DBR1: variants seen among roughly 807,000 people sequenced by gnomAD.
DBR1 encodes the protein lariat debranching enzyme.
In DBR1, 33 loss-of-function variants were observed where a neutral mutation model predicts 45.9. The observed-to-expected ratio is 0.72, with a 90% CI of 0.55 to 0.96. DBR1 has a LOEUF of 0.96. Among genes scored for constraint, DBR1 ranks in the 40% least tolerant of loss-of-function variants. DBR1 has a pLI of 0.00. For missense variants in DBR1, 619 were observed against 667.4 expected (o/e 0.93, Z 0.80); for synonymous variants, 235 against 235.9 (o/e 1.00, Z 0.04).
chr3:138,164,902 C>A (rs1225319581), intron 5 of DBR1, among the ~76,000 whole-genome samples: 1 of 152,184 alleles, frequency 6.6e-6, no homozygotes, highest in Non-Finnish European at 1.5e-5. Flanking sequence ...CCGCCTTGGC[C>A]TCCCAAAGTG....
chr3:138,162,628 A>T, intron 7 of DBR1, 46 bp from the exon 8 acceptor site: 1 of 1,447,248 alleles, frequency 6.9e-7, no homozygotes, highest in Non-Finnish European at 9.5e-7. Context: ...ATCAGCTCTA[A>T]ACAATAAATG....
chr3:138,165,616 C>T (rs574089782), intron 5 of DBR1, among the ~76,000 whole-genome samples: 5 of 152,186 alleles, frequency 3.3e-5, no homozygotes, highest in East Asian at 1.9e-4. Context: ...GTAGTCCCAG[C>T]TACTCTGGAC....
At chr3:138,169,725 A>T (rs2042946096) in intron 4 of DBR1, among the ~76,000 whole-genome samples, 1 of 152,136 alleles carries the variant, frequency 6.6e-6, no homozygotes, top group Admixed American at 6.6e-5. Context: ...TGAGGTCAGG[A>T]ATTTGAGACC....
At position 138,161,793 on chromosome 3, in the gene DBR1, C is replaced by T. The variant is rs1179067099; in HGVS notation, c.*96G>A. 6.0e-6 allele frequency: 6 copies of T among 1,001,940 alleles called. No individual in the cohort carries two copies. The highest frequency in any genetic ancestry group is 9.2e-6 in the Non-Finnish European group (6 of 653,844). The allele number at this position is 1,001,940 out of a possible 1,614,324, so 62.1% of individuals were successfully genotyped here. A position where few individuals can be genotyped will look rare whatever the true frequency, so the allele number is the denominator to read the frequency against. On this transcript the variant is annotated 3_prime_UTR_variant, in exon 8 of 8. Coordinates refer to ENST00000260803, the MANE Select transcript of DBR1 (RefSeq NM_016216.4). Reference sequence around the variant, plus strand: ...CCTGGGAGGCGGAGGTTGCGGTGAGCCGAGATCACGCCATTGCACTCCAGT... The same window carrying T: ...CCTGGGAGGCGGAGGTTGCGGTGAGTCGAGATCACGCCATTGCACTCCAGT...
At chr3:138,169,759 C>G (rs1298933540) in intron 4 of DBR1, among the ~76,000 whole-genome samples, 2 of 152,050 alleles carry the variant, frequency 1.3e-5, no homozygotes, top group Non-Finnish European at 2.9e-5. Context: ...TGGTGAAACC[C>G]CATCCCTACT....
chr3:138,170,193 CT>C lies in DBR1; in HGVS notation c.404-2del. Reference sequence around the variant, plus strand: ...TTATAAGGGGGGCACTCAAAATGACCTTAGATTGAAGCAGAAAAATAAGCTA... The same window carrying C: ...TTATAAGGGGGGCACTCAAAATGACCTAGATTGAAGCAGAAAAATAAGCTA... On this transcript the variant is annotated splice_acceptor_variant, in intron 3 of 7. Coordinates refer to ENST00000260803, the MANE Select transcript of DBR1 (RefSeq NM_016216.4). LOFTEE classifies it high-confidence loss of function. The C allele has an allele frequency of 6.4e-7, 1 of 1,569,584 alleles. No homozygotes were observed. Among genetic ancestry groups the C allele is most frequent in the Non-Finnish European group, 8.7e-7 (1 of 1,150,798 alleles).
chr3:138,171,435 A>G (rs2042954004), intron 3 of DBR1, 198 bp downstream of exon 3: 1 of 442,328 alleles, frequency 2.3e-6, no homozygotes, highest in South Asian at 2.8e-5. Context: ...AGATCGCACC[A>G]CTGCACTCCA....
chr3:138,174,565 C>T (rs371434724), intron 1 of DBR1, 34 bp downstream of exon 1: 28 of 1,534,732 alleles, frequency 1.8e-5, no homozygotes, highest in East Asian at 1.4e-4. Context: ...TCCCACCCCC[C>T]CACCGCCAAG....
chr3:138,174,700 G>A lies in DBR1; in HGVS notation c.96C>T (p.Asp32=). ...GGAAGTCGCCGCAGCACAGCAAGAG[G>A]TCGACAGGCCCCGGGCCGCGCCGCT... ...LAERRGPGPV[D]LLLCCGDFQA... Residue 32 remains aspartate, a synonymous_variant, in exon 1 of 8, where the codon GAC becomes GAT. Coordinates refer to ENST00000260803, the MANE Select transcript of DBR1 (RefSeq NM_016216.4). The A allele has an allele frequency of 6.2e-7, 1 of 1,613,000 alleles. No homozygotes were observed. The highest frequency in any genetic ancestry group is 8.5e-7 in the Non-Finnish European group (1 of 1,179,680).
Position 138,171,319 on chromosome 3 carries a change from A to G in DBR1, c.403+314T>C, listed in dbSNP as rs1407837180. On this transcript the variant is annotated intron_variant, in intron 3 of 7. Transcript: ENST00000260803. ...GAAACCCCGTCTCTACTAAAAATAC[A>G]AAAAAATTAGCCGGGCGTGGTGGTG... 4 of 187,776 alleles carry G rather than the reference A, an allele frequency of 2.1e-5. No homozygotes were observed. The East Asian group carries it at 6.0e-4, about 28-fold the overall frequency. The allele number at this position is 187,776 out of a possible 1,614,324, so 11.6% of individuals were successfully genotyped here.
At chr3:138,163,918 A>G in intron 5 of DBR1, 60 bp from the exon 6 acceptor site, 1 of 1,158,848 alleles carries the variant, frequency 8.6e-7, no homozygotes, top group South Asian at 1.3e-5. Flanking sequence ...GTAATTCTTC[A>G]TACACGGAAT....
In DBR1 at chr3:138,173,548, T is replaced by C. The variant is rs780778785; in HGVS notation, c.276A>G (p.Gln92=). The C allele has an allele frequency of 6.2e-7, 1 of 1,614,012 alleles. No homozygotes were observed. Among genetic ancestry groups the C allele is most frequent in the Admixed American group, 1.7e-5 (1 of 60,014 alleles). The part of the protein sequence containing the change: ...GGNHEASNHL[Q]ELPYGGWVAP... ...CCACCCAGCCACCATAGGGTAACTC[T>C]TGCAAATGATTTGAGGCTTCATGGT... is the stretch of plus-strand genomic sequence containing the variant. The change falls in exon 2 of 8, where the codon CAA becomes CAG. Residue 92 remains glutamine (Q), a synonymous_variant. Transcript: ENST00000260803.
At chr3:138,169,926 C>G (rs2042946942) in intron 4 of DBR1, among the ~76,000 whole-genome samples, 181 bp downstream of exon 4, 2 of 151,424 alleles carry the variant, frequency 1.3e-5, no homozygotes, top group Admixed American at 6.6e-5. Context: ...TAGTGAGACT[C>G]TGTCTCAAAA....
chr3:138,167,277 G>T lies in DBR1; in HGVS notation c.518C>A (p.Ser173Tyr). 1 of 1,610,078 alleles carries T rather than the reference G, an allele frequency of 6.2e-7. No individual in the cohort carries two copies. Among genetic ancestry groups the T allele is most frequent in the South Asian group, 1.1e-5 (1 of 90,034 alleles). Residue 173 changes from serine to tyrosine, a missense_variant, in exon 5 of 8, where the codon TCT becomes TAT. Ser to Tyr is a moderately radical substitution (Grantham distance 144, BLOSUM62 -2). This residue lies in a region of DBR1 where 430 missense variants were observed against 447.7 expected (regional missense o/e 0.96). Coordinates refer to ENST00000260803, the MANE Select transcript of DBR1 (RefSeq NM_016216.4). The part of the protein sequence containing the change: ...QLKQPIDIFL[S>Y]HDWPRSIYHY... ...ATATATACTTCTTGGCCAATCATGA[G>T]ACAAGAATATATCTATAGGCTGCTT...
At chr3:138,168,481 T>C (rs1466935430) in intron 4 of DBR1, among the ~76,000 whole-genome samples, 2 of 151,168 alleles carry the variant, frequency 1.3e-5, no homozygotes, top group African/African-American at 4.9e-5. Context: ...GATCGCACTG[T>C]TGCACTCCAG....
chr3:138,170,059 ATTACT>A, intron 4 of DBR1, 43 bp downstream of exon 4: 1 of 1,193,082 alleles, frequency 8.4e-7, no homozygotes, highest in South Asian at 1.3e-5. Context: ...TTGGCACAGA[ATTACT>A]TTAAAATGTT....
chr3:138,171,547 T>C (rs2042955007), intron 3 of DBR1, 86 bp downstream of exon 3: 7 of 668,932 alleles, frequency 1.0e-5, no homozygotes, highest in Admixed American at 2.4e-5. Context: ...TACAAAGATA[T>C]ATGAAAGAGT....
At chr3:138,173,961 C>T (rs1452187355) in intron 1 of DBR1, among the ~76,000 whole-genome samples, 1 of 146,732 alleles carries the variant, frequency 6.8e-6, no homozygotes, top group Non-Finnish European at 1.5e-5. Flanking sequence ...ACGGAGGTTG[C>T]AGTGGGTCAA....
chr3:138,169,269 T>C (rs998638298), intron 4 of DBR1, among the ~76,000 whole-genome samples: 7 of 152,176 alleles, frequency 4.6e-5, no homozygotes, highest in Admixed American at 2.0e-4. Context: ...ATCTATTTCA[T>C]AGGGTTTGAG....
Sources: allele counts gnomAD v4.1 joint callset (sites outside exome capture counted in the v4.1 genomes callset), GRCh38; gene constraint gnomAD v4.1.1; regional missense constraint gnomAD v4.1.1; transcripts MANE v1.5; gene names NCBI Gene and HGNC (gene_info 2026-07-23, HGNC 2026-07-21).